The following DGKD variants were observed in gnomAD, a reference collection of about 807,000 sequenced individuals.
DGKD encodes the protein DAG kinase delta.
Under a neutral mutation model 154.4 loss-of-function variants are expected in DGKD, and 68 were observed. The observed-to-expected ratio is 0.44, with a 90% confidence interval of 0.36 to 0.54. The LOEUF (loss-of-function observed/expected upper bound fraction) is 0.54, where lower values mean the gene tolerates loss of function less well. DGKD is among the 20% of genes least tolerant of loss of function. The pLI is 0.00. For missense variants in DGKD, 1,343 were observed against 1,593.6 expected, an observed-to-expected ratio of 0.84 and a Z score of 2.68; for synonymous variants, 693 against 638.0, an observed-to-expected ratio of 1.09 and a Z score of -1.30.
chr2:233,448,741 A>C (rs1242776954), intron 14 of DGKD, among the ~76,000 whole-genome samples: 1 of 152,168 alleles, frequency 6.6e-6, no homozygotes, highest in Non-Finnish European at 1.5e-5. Context: ...AGCCAACCAG[A>C]GGCTGAAGTG....
At chr2:233,450,165 C>CGT (rs2124869621) in intron 16 of DGKD, 34 bp downstream of exon 16, 1 of 1,570,956 alleles carries the variant, frequency 6.4e-7, no homozygotes, top group African/African-American at 1.4e-5. Context: ...TGCGCACCGT[C>CGT]GTGTGCTTGG....
At chr2:233,420,307 T>C (rs940455242) in intron 3 of DGKD, among the ~76,000 whole-genome samples, 1 of 152,250 alleles carries the variant, frequency 6.6e-6, no homozygotes, top group African/African-American at 2.4e-5. Context: ...TGTGTGTCTC[T>C]AGTTCTGGCT....
Position 233,449,704 on chromosome 2 carries a change from C to G in DGKD, c.1889-278C>G, listed in dbSNP as rs1468400895. Among the ~76,000 whole-genome samples, 1 of 152,164 alleles carries G rather than the reference C, an allele frequency of 6.6e-6. No individual in the cohort carries two copies. Among genetic ancestry groups the G allele is most frequent in the Non-Finnish European group, 1.5e-5 (1 of 68,022 alleles). On this transcript the variant is annotated intron_variant, in intron 15 of 29. Coordinates refer to ENST00000264057, the MANE Select transcript of DGKD (RefSeq NM_152879.3). This position sits in a 1 kb window ranked among gnomAD's most constrained non-coding sequence, Gnocchi z 5.3. ...TGCGTGTCCATGCAGCCGCTCCTCC[C>G]GCTTGCAGCCCTCCAGCCTGCGCCA...
At chr2:233,434,636 C>T in intron 4 of DGKD, 133 bp from the exon 5 acceptor site, 1 of 1,472,376 alleles carries the variant, frequency 6.8e-7, no homozygotes, top group South Asian at 1.2e-5. Context: ...TGCTTGTCCT[C>T]TCAGCAGACC....
intron 1 of DGKD, among the ~76,000 whole-genome samples, chr2:233,377,259 T>A (rs1236186891): frequency 6.6e-6 from 1 of 152,114 alleles, no homozygotes; most frequent in Non-Finnish European, 1.5e-5. Flanking sequence ...ATTTTTTGTA[T>A]TTTTAGTAGA....
chr2:233,387,708 C>A (rs1174195268), intron 1 of DGKD, among the ~76,000 whole-genome samples: 1 of 152,110 alleles, frequency 6.6e-6, no homozygotes, highest in Non-Finnish European at 1.5e-5. Flanking sequence ...AGGCACTTTC[C>A]TCTCATGGTG....
chr2:233,464,030 G>T, intron 26 of DGKD, 134 bp from the exon 27 acceptor site: 1 of 1,265,684 alleles, frequency 7.9e-7, no homozygotes, highest in South Asian at 1.5e-5. Flanking sequence ...GGTGCTCTGG[G>T]ACTTCGTTTC....
At chr2:233,383,362 A>G (rs934354687) in intron 1 of DGKD, among the ~76,000 whole-genome samples, 4 of 151,946 alleles carry the variant, frequency 2.6e-5, no homozygotes, top group African/African-American at 9.7e-5. Context: ...AGTTTCTGCT[A>G]TATTCTGGTT....
chr2:233,388,140 A>G, intron 1 of DGKD, 117 bp from the exon 2 acceptor site: 1 of 1,543,960 alleles, frequency 6.5e-7, no homozygotes, highest in Non-Finnish European at 8.7e-7. Flanking sequence ...AGAGTGTGAG[A>G]AATATTTTCT....
intron 26 of DGKD, 189 bp from the exon 27 acceptor site, chr2:233,463,975 C>T (rs1265945344): frequency 7.2e-6 from 5 of 690,066 alleles, no homozygotes; most frequent in Non-Finnish European, 2.4e-6. Context: ...TATTCTCTCA[C>T]CAGCACTACT....
At chr2:233,436,937 A>G (rs1037559252) in intron 7 of DGKD, among the ~76,000 whole-genome samples, 2 of 152,164 alleles carry the variant, frequency 1.3e-5, no homozygotes, top group African/African-American at 4.8e-5. Context: ...GGGAGCCTCC[A>G]TGTACTTGCT....
intron 3 of DGKD, among the ~76,000 whole-genome samples, chr2:233,431,146 A>G (rs75656635): frequency 0.031 from 4,736 of 152,348 alleles, 123 homozygotes; most frequent in Non-Finnish European, 0.042. Context: ...ATCCAAAATC[A>G]ACATGCAAAA....
chr2:233,421,772 A>G (rs535684657), intron 3 of DGKD, among the ~76,000 whole-genome samples: 3 of 152,256 alleles, frequency 2.0e-5, no homozygotes, highest in Admixed American at 6.5e-5. Flanking sequence ...ACTACTCTCC[A>G]TGCTGTGTAA....
intron 19 of DGKD, among the ~76,000 whole-genome samples, chr2:233,456,178 A>G (rs927734895): frequency 2.4e-4 from 36 of 152,182 alleles, no homozygotes; most frequent in Non-Finnish European, 2.9e-5. Context: ...GTCATTGGAA[A>G]TGTTGGTTGA....
intron 1 of DGKD, among the ~76,000 whole-genome samples, chr2:233,368,825 T>C (rs1353277304): frequency 6.6e-6 from 1 of 152,232 alleles, no homozygotes; most frequent in Admixed American, 6.5e-5. Context: ...GGCTCTTTGG[T>C]CTTTAAAGGC....
intron 10 of DGKD, chr2:233,442,285 G>A (rs1026486061): frequency 9.2e-6 from 5 of 542,458 alleles, no homozygotes; most frequent in South Asian, 8.5e-5. Flanking sequence ...AGGGCTGGGT[G>A]GGGCTGTTGC....
chr2:233,385,542 G>A (rs1305510043), intron 1 of DGKD, among the ~76,000 whole-genome samples: 3 of 152,204 alleles, frequency 2.0e-5, no homozygotes, highest in African/African-American at 7.2e-5. Context: ...ACCCAACAAA[G>A]TGACTCTAAG....
chr2:233,464,088 C>T, intron 26 of DGKD, 76 bp from the exon 27 acceptor site: 1 of 1,591,354 alleles, frequency 6.3e-7, no homozygotes, highest in Non-Finnish European at 8.6e-7. Flanking sequence ...CTGGAGCGGA[C>T]CTCACCCCCC....
At chr2:233,435,021 A>G (rs183575237) in intron 5 of DGKD, 120 bp downstream of exon 5, 31 of 1,374,008 alleles carry the variant, frequency 2.3e-5, no homozygotes, top group Middle Eastern at 2.3e-4. Flanking sequence ...TGGTCAGTCA[A>G]GGGCACAGCG....
Sources: allele counts gnomAD v4.1 joint callset (sites outside exome capture counted in the v4.1 genomes callset), GRCh38; gene constraint gnomAD v4.1.1; non-coding constraint Gnocchi (gnomAD v3.1); transcripts MANE v1.5; gene names NCBI Gene and HGNC (gene_info 2026-07-23, HGNC 2026-07-21).